Variants in NEGR1 observed in about 807,000 individuals in gnomAD.
NEGR1 encodes the protein IgLON family member 4.
In NEGR1, 10 loss-of-function variants were observed where a neutral mutation model predicts 40.9. The ratio of observed to expected loss-of-function variants is 0.24; its 90% confidence interval spans 0.15 to 0.42. NEGR1 has a LOEUF of 0.42. Among genes scored for constraint, NEGR1 ranks in the 10% least tolerant of loss-of-function variants. The pLI, the probability that NEGR1 is intolerant of heterozygous loss-of-function variation, is 1.00. For synonymous variants in NEGR1, 185 were observed against 166.8 expected, an observed-to-expected ratio of 1.11 and a Z score of -0.84; for missense variants, 352 against 438.9, an observed-to-expected ratio of 0.80 and a Z score of 1.77.
intron 1 of NEGR1, among the ~76,000 whole-genome samples, chr1:72,252,906 A>G (rs146185170): frequency 2.2e-3 from 335 of 152,348 alleles, no homozygotes; most frequent in African/African-American, 6.7e-3. Flanking sequence ...GAAAGCAATT[A>G]CATTGCGAAG....
intron 1 of NEGR1, among the ~76,000 whole-genome samples, chr1:72,006,947 G>A (rs1275695753): frequency 6.6e-6 from 1 of 152,034 alleles, no homozygotes; most frequent in Admixed American, 6.6e-5. Flanking sequence ...AAAATTAATA[G>A]TGCATTTTTT....
intron 1 of NEGR1, among the ~76,000 whole-genome samples, chr1:72,197,667 T>C (rs1321202786): frequency 6.6e-6 from 1 of 152,024 alleles, no homozygotes; most frequent in Non-Finnish European, 1.5e-5. Context: ...TTCTCCATTT[T>C]CATCTGCAAA....
intron 1 of NEGR1, among the ~76,000 whole-genome samples, chr1:72,090,365 TAAAAA>T (rs59316206): frequency 0.03 from 3,991 of 131,156 alleles, 167 homozygotes; most frequent in African/African-American, 0.1. Context: ...CTTTTTTTCT[TAAAAA>T]AAAAAAAAAA....
At chr1:71,909,381 A>G (rs1345605500) in intron 2 of NEGR1, among the ~76,000 whole-genome samples, 1 of 152,244 alleles carries the variant, frequency 6.6e-6, no homozygotes, top group African/African-American at 2.4e-5. Flanking sequence ...ATTTCTTCAA[A>G]GATAAATCCT....
chr1:71,592,697 G>C (rs1570077305), intron 6 of NEGR1, 120 bp downstream of exon 6: 9 of 710,844 alleles, frequency 1.3e-5, no homozygotes, highest in East Asian at 1.2e-4. Context: ...GATGTATAAG[G>C]AATGTGTCAC....
At chr1:72,042,776 C>G (rs1193541948) in intron 1 of NEGR1, among the ~76,000 whole-genome samples, 2 of 151,888 alleles carry the variant, frequency 1.3e-5, no homozygotes, top group East Asian at 3.9e-4. Flanking sequence ...GACACATTAG[C>G]CGTGAACATA....
intron 2 of NEGR1, among the ~76,000 whole-genome samples, chr1:71,920,705 G>C (rs939250313): frequency 3.7e-4 from 57 of 152,316 alleles, no homozygotes; most frequent in African/African-American, 1.1e-3. Context: ...TTTAGAGTTA[G>C]TGTCCAAAAT....
At chr1:71,798,599 C>T (rs934748346) in intron 2 of NEGR1, among the ~76,000 whole-genome samples, 3 of 152,064 alleles carry the variant, frequency 2.0e-5, no homozygotes, top group Non-Finnish European at 2.9e-5. Flanking sequence ...GCTGATGGGG[C>T]GACTAAGGCT....
chr1:71,554,427 T>C (rs1648185195), intron 6 of NEGR1, among the ~76,000 whole-genome samples: 1 of 151,484 alleles, frequency 6.6e-6, no homozygotes, highest in African/African-American at 2.4e-5. Flanking sequence ...TAGTTACCTA[T>C]CAGTAGGCTA....
chr1:71,773,023 G>T (rs1570326355), intron 3 of NEGR1, among the ~76,000 whole-genome samples: 2 of 152,286 alleles, frequency 1.3e-5, no homozygotes, highest in East Asian at 3.9e-4. Context: ...AACATCTCAG[G>T]AAAGGTGTTT....
Position 72,263,535 on chromosome 1 carries a change from G to A in NEGR1, c.176+18784C>T, listed in dbSNP as rs116438344. ...TTACCTATGCAAGTTGGATGTTTTA[G>A]TTCTCTGGAGTGAATAAAATCTGCT... On this transcript the variant is annotated intron_variant, in intron 1 of 6. Transcript: ENST00000357731. Among the ~76,000 whole-genome samples, 1,421 of 151,714 alleles carry A rather than the reference G, an allele frequency of 9.4e-3. 31 individuals carry two copies. Among genetic ancestry groups the A allele is most frequent in the African/African-American group, 0.033 (1,358 of 41,476 alleles).
intron 4 of NEGR1, among the ~76,000 whole-genome samples, chr1:71,643,235 G>T (rs1207621866): frequency 6.6e-6 from 1 of 151,906 alleles, no homozygotes; most frequent in African/African-American, 2.4e-5. Context: ...TGTTAGGCTT[G>T]TCAACATATC....
intron 4 of NEGR1, among the ~76,000 whole-genome samples, chr1:71,656,415 G>T (rs367546214): frequency 4.1e-3 from 624 of 151,596 alleles, no homozygotes; most frequent in African/African-American, 7.4e-3. Context: ...GTTTTTTGTT[G>T]TTGTTGTTGT....
Position 71,624,590 on chromosome 1 carries a change from T to C in NEGR1, c.668-13444A>G, listed in dbSNP as rs78146847. Among the ~76,000 whole-genome samples, 862 of 152,110 alleles carry C rather than the reference T, an allele frequency of 5.7e-3. 8 individuals carry two copies. Among genetic ancestry groups the C allele is most frequent in the African/African-American group, 0.019 (804 of 41,540 alleles). ...CCTTGTCCAATCTGCTCTAGCAATATTGGACTATTTCAAATTGGTGGAACA... is the reference window on the plus strand; with the variant it reads ...CCTTGTCCAATCTGCTCTAGCAATACTGGACTATTTCAAATTGGTGGAACA... On this transcript the variant is annotated intron_variant, in intron 4 of 6. Coordinates refer to ENST00000357731, the MANE Select transcript of NEGR1 (RefSeq NM_173808.3).
chr1:71,766,253 G>C (rs1484420510), intron 3 of NEGR1, among the ~76,000 whole-genome samples: 2 of 151,480 alleles, frequency 1.3e-5, no homozygotes, highest in East Asian at 1.9e-4. Flanking sequence ...AAAAGTTAAA[G>C]ATGTAAGAAA....
At chr1:72,204,522 T>C (rs1653328507) in intron 1 of NEGR1, among the ~76,000 whole-genome samples, 2 of 152,172 alleles carry the variant, frequency 1.3e-5, no homozygotes, top group Non-Finnish European at 2.9e-5. Flanking sequence ...TCAAGAATGC[T>C]GAGCTTTGAG....
At chr1:71,928,028 A>G (rs555586662) in intron 2 of NEGR1, among the ~76,000 whole-genome samples, 1 of 50,448 alleles carries the variant, frequency 2.0e-5, no homozygotes, top group Non-Finnish European at 3.7e-5. Context: ...ATAAATAAAT[A>G]CACACACACA....
chr1:71,733,431 A>G (rs1352580685), intron 3 of NEGR1, among the ~76,000 whole-genome samples: 1 of 152,218 alleles, frequency 6.6e-6, no homozygotes, highest in Non-Finnish European at 1.5e-5. Context: ...TTAGAATTTT[A>G]GTCTGTATTG....
In NEGR1 at chr1:71,912,516, C is replaced by T. The variant is rs114638067; in HGVS notation, c.409+22563G>A. Among the ~76,000 whole-genome samples the T allele has an allele frequency of 3.7e-3, 562 of 152,304 alleles. 1 individual carries two copies. Among genetic ancestry groups the T allele is most frequent in the African/African-American group, 0.012 (518 of 41,568 alleles). On this transcript the variant is annotated intron_variant, in intron 2 of 6. Transcript: ENST00000357731. Reference sequence around the variant, plus strand: ...ACAGGTTATAGGAATTAGGACATGACATCTTTGAAGACCATTATTCTGTCT... The same window carrying T: ...ACAGGTTATAGGAATTAGGACATGATATCTTTGAAGACCATTATTCTGTCT...
Sources: gnomAD v4.1 joint callset for allele counts (sites outside exome capture counted in the v4.1 genomes callset) on GRCh38, gnomAD v4.1.1 for gene constraint, MANE v1.5 for transcripts, NCBI Gene and HGNC (gene_info 2026-07-23, HGNC 2026-07-21) for gene names.